CDH13: variants seen among roughly 807,000 people sequenced by gnomAD.
CDH13 encodes the protein cadherin-13.
CDH13 carries 24 observed loss-of-function variants against 63.8 expected under a neutral mutation model. The ratio of observed to expected loss-of-function variants is 0.38; its 90% CI spans 0.27 to 0.53. The LOEUF (loss-of-function observed/expected upper bound fraction) is 0.53. Ranked by LOEUF, CDH13 falls within the 20% of genes least tolerant of loss-of-function variation. The probability of loss-of-function intolerance (pLI) is 0.85; values close to 1 mark genes in which losing one functional copy is unlikely to be tolerated. For synonymous variants in CDH13, 503 were observed against 355.3 expected (o/e 1.42, Z -4.67); for missense variants, 1,049 against 903.1 (o/e 1.16, Z -2.07).
intron 2 of CDH13, chr16:82,926,158 A>T (rs2042298497): frequency 6.6e-6 from 1 of 152,184 alleles, no homozygotes; most frequent in African/African-American, 2.4e-5. Flanking sequence ...GGTAGTAAAC[A>T]TTTTAGACTT....
At chr16:82,771,646 T>C (rs947037514) in intron 1 of CDH13, among the ~76,000 whole-genome samples, 1 of 152,196 alleles carries the variant, frequency 6.6e-6, no homozygotes, top group Non-Finnish European at 1.5e-5. Context: ...CTCAGGTCTG[T>C]CCAGCTTTAG....
At chr16:82,999,252 T>C (rs1912595889) in intron 2 of CDH13, among the ~76,000 whole-genome samples, 2 of 152,184 alleles carry the variant, frequency 1.3e-5, no homozygotes, top group South Asian at 2.1e-4. Context: ...AGTTGTTTTT[T>C]TCCCCCCTCC....
chr16:83,634,831 T>G (rs1350520520), intron 8 of CDH13, among the ~76,000 whole-genome samples: 1 of 152,214 alleles, frequency 6.6e-6, no homozygotes, highest in Non-Finnish European at 1.5e-5. Flanking sequence ...GTTGAACCAT[T>G]CACCCACTGA....
intron 2 of CDH13, among the ~76,000 whole-genome samples, chr16:82,896,554 C>G (rs577748139): frequency 1.3e-5 from 2 of 151,760 alleles, no homozygotes; most frequent in Admixed American, 1.3e-4. Context: ...CCTTGGCCTT[C>G]CAAAGAGATG....
At chr16:83,749,635 A>G (rs1043779731) in intron 11 of CDH13, among the ~76,000 whole-genome samples, 1 of 152,222 alleles carries the variant, frequency 6.6e-6, no homozygotes, top group Non-Finnish European at 1.5e-5. Flanking sequence ...ACGATGAAAT[A>G]TCAGGTAGAC....
At chr16:83,189,197 G>C (rs752912299) in intron 4 of CDH13, among the ~76,000 whole-genome samples, 4 of 152,096 alleles carry the variant, frequency 2.6e-5, no homozygotes, top group Non-Finnish European at 5.9e-5. Context: ...GCCCCTTTCT[G>C]CCTAGAACTC....
intron 3 of CDH13, among the ~76,000 whole-genome samples, chr16:83,102,965 T>TTTTTTTTTTTTTTTC (rs2034570357): frequency 2.8e-5 from 3 of 107,838 alleles, no homozygotes; most frequent in Non-Finnish European, 1.8e-5. Context: ...TTTTTTTTTT[T>TTTTTTTTTTTTTTTC]TTTTTGAGGT....
intron 10 of CDH13, among the ~76,000 whole-genome samples, chr16:83,731,914 A>G (rs949317575): frequency 6.6e-6 from 1 of 152,248 alleles, no homozygotes; most frequent in African/African-American, 2.4e-5. Flanking sequence ...GGTAGCAGGT[A>G]GTCGATAAAT....
rs187858507 is a variant in CDH13 at position 82,958,929 on chromosome 16, C to T, written c.158-73081C>T. The stretch of plus-strand genomic sequence containing the variant: ...TGGTTATGAACGAATGAAATCTACC[C>T]CCAAGGTTTTCCTGGTGCAGAAAGA... On this transcript the variant is annotated intron_variant, in intron 2 of 13. Coordinates refer to ENST00000567109, the MANE Select transcript of CDH13 (RefSeq NM_001257.5). Among the ~76,000 whole-genome samples, 3 of 152,298 alleles carry T rather than the reference C, an allele frequency of 2.0e-5. No individual in the cohort carries two copies. In the East Asian group the frequency reaches 5.8e-4, roughly 29 times the overall value.
intron 5 of CDH13, among the ~76,000 whole-genome samples, chr16:83,274,979 TCCAG>T: frequency 6.6e-6 from 1 of 152,272 alleles, no homozygotes; most frequent in African/African-American, 2.4e-5. Context: ...ATTCCATACT[TCCAG>T]CCCTGTCTGA....
chr16:83,273,425 C>G (rs917218488), intron 5 of CDH13, among the ~76,000 whole-genome samples: 15 of 152,018 alleles, frequency 9.9e-5, no homozygotes, highest in African/African-American at 3.6e-4. Flanking sequence ...TGTCTATTAG[C>G]TCCCACTTAT....
At chr16:83,661,961 A>G (rs896007082) in intron 8 of CDH13, among the ~76,000 whole-genome samples, 1 of 152,108 alleles carries the variant, frequency 6.6e-6, no homozygotes, top group African/African-American at 2.4e-5. Context: ...TTTCTCTCTC[A>G]GTGGAATGGG....
intron 4 of CDH13, among the ~76,000 whole-genome samples, chr16:83,176,655 T>C (rs998414802): frequency 1.3e-5 from 2 of 151,996 alleles, no homozygotes; most frequent in African/African-American, 4.8e-5. Context: ...ACATTCCTAA[T>C]AATCTGCAAG....
rs777244426 is a variant in CDH13, at chr16:82,858,399, C to T, written c.83C>T (p.Thr28Ile). The stretch of plus-strand genomic sequence containing the variant: ...ACATCTGCAGAAGATTTGGACTGCA[C>T]TCCTGGATTTCAGCAGAAAGTGTTC... ...LLTSAEDLDCTPGFQQKVFHI... is the reference protein window; with the variant it reads ...LLTSAEDLDCIPGFQQKVFHI... The change falls in exon 2 of 14, where the codon ACT becomes ATT. Residue 28 changes from threonine to isoleucine, a missense_variant. Physicochemically the swap from Thr to Ile is moderately conservative, Grantham distance 89. Transcript: ENST00000567109. 13 of 1,613,660 alleles carry T rather than the reference C, an allele frequency of 8.1e-6. No individual in the cohort carries two copies. Among genetic ancestry groups the T allele is most frequent in the Admixed American group, 1.7e-5 (1 of 60,012 alleles).
At chr16:82,812,265 A>G (rs1266160720) in intron 1 of CDH13, among the ~76,000 whole-genome samples, 1 of 152,144 alleles carries the variant, frequency 6.6e-6, no homozygotes, top group Admixed American at 6.6e-5. Flanking sequence ...GCAGGTCCAG[A>G]GGAGGGGCTG....
chr16:83,255,349 G>C (rs1416532720), intron 5 of CDH13, among the ~76,000 whole-genome samples: 3 of 152,178 alleles, frequency 2.0e-5, no homozygotes, highest in Admixed American at 1.3e-4. Flanking sequence ...GTTGCAAGGA[G>C]TGTATTTGTG....
chr16:83,436,632 A>G (rs1055998584), intron 6 of CDH13, among the ~76,000 whole-genome samples: 1 of 152,254 alleles, frequency 6.6e-6, no homozygotes, highest in Admixed American at 6.5e-5. Flanking sequence ...CCTCTTTGAA[A>G]GAACTTAGTG....
intron 1 of CDH13, among the ~76,000 whole-genome samples, chr16:82,786,746 C>G (rs1039003867): frequency 6.7e-6 from 1 of 150,052 alleles, no homozygotes; most frequent in African/African-American, 2.5e-5. Flanking sequence ...TGAGTGAGAA[C>G]ATGCGGTGTT....
chr16:83,250,416 A>G (rs1164955271), intron 5 of CDH13, among the ~76,000 whole-genome samples: 6 of 152,206 alleles, frequency 3.9e-5, no homozygotes, highest in Non-Finnish European at 8.8e-5. Context: ...GATAAAAAAT[A>G]AATAAAACCA....
Sources: allele counts gnomAD v4.1 joint callset (sites outside exome capture counted in the v4.1 genomes callset), GRCh38; gene constraint gnomAD v4.1.1; transcripts MANE v1.5; gene names NCBI Gene and HGNC (gene_info 2026-07-23, HGNC 2026-07-21).